Variants in SLC44A5 observed in about 807,000 individuals in gnomAD.
SLC44A5 encodes solute carrier family 44 member 5, also known as choline transporter-like protein 5.
Under a neutral mutation model 101.8 loss-of-function variants are expected in SLC44A5, and 57 were observed. The ratio of observed to expected loss-of-function variants is 0.56; its 90% CI spans 0.45 to 0.70. The LOEUF (loss-of-function observed/expected upper bound fraction) is 0.70. Among genes scored for constraint, SLC44A5 ranks in the 30% least tolerant of loss-of-function variants. SLC44A5 has a pLI of 0.00. For synonymous variants in SLC44A5, 281 were observed against 290.9 expected (o/e 0.97, Z 0.35); for missense variants, 737 against 853.1 (o/e 0.86, Z 1.70).
chr1:75,218,790 A>C, intron 16 of SLC44A5, 38 bp from the exon 17 acceptor site: 3 of 1,568,450 alleles, frequency 1.9e-6, no homozygotes, highest in Non-Finnish European at 1.7e-6. Flanking sequence ...CATAATATTA[A>C]ATATCACTCC....
intron 2 of SLC44A5, among the ~76,000 whole-genome samples, chr1:75,421,888 T>G (rs533506735): frequency 2.0e-5 from 3 of 151,618 alleles, no homozygotes; most frequent in African/African-American, 7.3e-5. Context: ...AAAAAAAAAG[T>G]ACTTTGGTGA....
intron 3 of SLC44A5, among the ~76,000 whole-genome samples, chr1:75,350,129 C>G (rs1311626134): frequency 6.6e-6 from 1 of 151,920 alleles, no homozygotes; most frequent in East Asian, 1.9e-4. Flanking sequence ...GAAGTAAGGG[C>G]CTTTGAGGGT....
the SLC44A5 span, among the ~76,000 whole-genome samples, chr1:75,698,543 A>C: frequency 1.3e-5 from 2 of 152,234 alleles, no homozygotes; most frequent in Non-Finnish European, 2.9e-5. Context: ...TAAAACCACA[A>C]AGATGCGGAA....
chr1:75,541,653 C>T, intron 1 of SLC44A5, 137 bp from the exon 2 acceptor site: 1 of 495,380 alleles, frequency 2.0e-6, no homozygotes, highest in Non-Finnish European at 3.6e-6. Context: ...GCCTAATTCT[C>T]TTCTACACAT....
chr1:75,507,022 C>T (rs1421018962), intron 2 of SLC44A5, among the ~76,000 whole-genome samples: 2 of 149,954 alleles, frequency 1.3e-5, no homozygotes, highest in Admixed American at 6.7e-5. Flanking sequence ...GATCTTCCCA[C>T]CTCAACCTTC....
At chr1:75,284,165 A>G (rs1044949063) in intron 5 of SLC44A5, among the ~76,000 whole-genome samples, 2 of 151,958 alleles carry the variant, frequency 1.3e-5, no homozygotes, top group East Asian at 1.9e-4. Context: ...TCTGTCATCT[A>G]TGATTTCTTT....
intron 1 of SLC44A5, among the ~76,000 whole-genome samples, chr1:75,594,856 A>G (rs35425390): frequency 0.17 from 26,352 of 151,756 alleles, 2,631 homozygotes; most frequent in Admixed American, 0.25. Context: ...AATAAAGTCA[A>G]TATTTATTTT....
the SLC44A5 span, among the ~76,000 whole-genome samples, chr1:75,712,645 T>C: frequency 2.2e-5 from 3 of 136,092 alleles, no homozygotes; most frequent in African/African-American, 8.4e-5. Context: ...AAACATAATG[T>C]AATGTGCCCA....
At chr1:75,303,529 C>T (rs541531565) in intron 4 of SLC44A5, among the ~76,000 whole-genome samples, 38 of 152,222 alleles carry the variant, frequency 2.5e-4, no homozygotes, top group African/African-American at 7.7e-4. Context: ...CCACCGCACC[C>T]GGCGGAAGTT....
chr1:75,630,769 C>G, the SLC44A5 span, among the ~76,000 whole-genome samples: 2 of 152,100 alleles, frequency 1.3e-5, no homozygotes, highest in Non-Finnish European at 2.9e-5. Context: ...ATGCAACTCC[C>G]CATGCTTTAA....
intron 3 of SLC44A5, among the ~76,000 whole-genome samples, chr1:75,340,257 T>C (rs1301927962): frequency 6.6e-6 from 1 of 152,204 alleles, no homozygotes; most frequent in African/African-American, 2.4e-5. Flanking sequence ...CCCTTTTCTT[T>C]AAACAGTGAA....
chr1:75,407,623 T>A (rs538550315), intron 2 of SLC44A5, among the ~76,000 whole-genome samples: 13 of 152,340 alleles, frequency 8.5e-5, no homozygotes, highest in African/African-American at 3.1e-4. Flanking sequence ...GGATTCCCTA[T>A]TTAATAAATG....
intron 3 of SLC44A5, among the ~76,000 whole-genome samples, chr1:75,343,173 A>G (rs557311261): frequency 1.3e-5 from 2 of 152,268 alleles, no homozygotes; most frequent in East Asian, 3.9e-4. Context: ...CTAAAATTAT[A>G]TAATATTTTA....
At chr1:75,619,087 G>GC in the SLC44A5 span, among the ~76,000 whole-genome samples, 1 of 66,774 alleles carries the variant, frequency 1.5e-5, no homozygotes, top group Non-Finnish European at 3.0e-5. Flanking sequence ...AAAGGGGGGG[G>GC]GGAAGGAAAG....
chr1:75,579,820 A>T (rs113597545), intron 1 of SLC44A5, among the ~76,000 whole-genome samples: 2,540 of 64,526 alleles, frequency 0.039, 78 homozygotes, highest in African/African-American at 0.1. Flanking sequence ...ACAAAATTCA[A>T]CTATCTACAC....
intron 2 of SLC44A5, among the ~76,000 whole-genome samples, chr1:75,429,542 T>C (rs1284275257): frequency 6.6e-6 from 1 of 152,176 alleles, no homozygotes; most frequent in Non-Finnish European, 1.5e-5. Context: ...TACGTTGCTA[T>C]AAAGGAATAC....
intron 2 of SLC44A5, among the ~76,000 whole-genome samples, chr1:75,444,580 G>GT (rs1444677681): frequency 2.4e-4 from 36 of 147,470 alleles, no homozygotes; most frequent in Middle Eastern, 3.4e-3. Flanking sequence ...TTTTTGCTTT[G>GT]TTTTTTTTTT....
At chr1:75,588,261 A>AG (rs1238139846) in intron 1 of SLC44A5, among the ~76,000 whole-genome samples, 1 of 62,698 alleles carries the variant, frequency 1.6e-5, no homozygotes, top group African/African-American at 6.4e-5. Flanking sequence ...GGAGGGAAGG[A>AG]GGGGGGAGGA....
At chr1:75,304,584 C>A (rs980779113) in intron 4 of SLC44A5, among the ~76,000 whole-genome samples, 1 of 152,030 alleles carries the variant, frequency 6.6e-6, no homozygotes, top group Non-Finnish European at 1.5e-5. Context: ...CTGTCACAAT[C>A]CTAAATGTTC....
Sources: allele counts gnomAD v4.1 joint callset (sites outside exome capture counted in the v4.1 genomes callset), GRCh38; gene constraint gnomAD v4.1.1; transcripts MANE v1.5; gene names NCBI Gene and HGNC (gene_info 2026-07-23, HGNC 2026-07-21).